The following ABCD3 variants were observed in gnomAD, a reference collection of about 807,000 sequenced individuals.
ABCD3 encodes the protein ATP binding cassette subfamily D member 3.
ABCD3 carries 41 observed loss-of-function variants against 105.5 expected under a neutral mutation model. The ratio of observed to expected loss-of-function variants is 0.39; its 90% confidence interval spans 0.30 to 0.50. ABCD3 has a LOEUF of 0.50. ABCD3 is among the 20% of genes least tolerant of loss of function. The pLI is 0.84. For synonymous variants in ABCD3, 258 were observed against 269.0 expected, an observed-to-expected ratio of 0.96 and a Z score of 0.40; for missense variants, 622 against 806.3, an observed-to-expected ratio of 0.77 and a Z score of 2.77.
At chr1:94,514,790 A>G in intron 21 of ABCD3, 1 of 197,422 alleles carries the variant, frequency 5.1e-6, no homozygotes, top group South Asian at 1.1e-4. Flanking sequence ...TTGACTGTCA[A>G]CAATGCTATA....
intron 2 of ABCD3, among the ~76,000 whole-genome samples, chr1:94,461,741 T>G (rs954905342): frequency 6.6e-6 from 1 of 152,156 alleles, no homozygotes; most frequent in Non-Finnish European, 1.5e-5. Flanking sequence ...TGTTTTTAAT[T>G]TTATGGTATT....
At chr1:94,465,822 G>T (rs891023843) in intron 3 of ABCD3, among the ~76,000 whole-genome samples, 5 of 151,988 alleles carry the variant, frequency 3.3e-5, no homozygotes, top group Admixed American at 2.0e-4. Context: ...AAATAATGCC[G>T]TATTCTCCAT....
intron 10 of ABCD3, among the ~76,000 whole-genome samples, chr1:94,484,617 C>G (rs1235039570): frequency 6.6e-6 from 1 of 152,006 alleles, no homozygotes; most frequent in Non-Finnish European, 1.5e-5. Flanking sequence ...TGGGGAACAC[C>G]ACACACCGGG....
intron 22 of ABCD3, among the ~76,000 whole-genome samples, chr1:94,516,549 A>G (rs1570849991): frequency 6.6e-6 from 1 of 152,016 alleles, no homozygotes; most frequent in East Asian, 1.9e-4. Flanking sequence ...AAGTAGCAAA[A>G]TAATCATCAC....
At chr1:94,400,286 C>T in the ABCD3 span, among the ~76,000 whole-genome samples, 1 of 151,612 alleles carries the variant, frequency 6.6e-6, no homozygotes, top group Non-Finnish European at 1.5e-5. Context: ...GCAGCTGCAA[C>T]CTCAGCTACT....
intron 1 of ABCD3, among the ~76,000 whole-genome samples, chr1:94,450,058 C>T (rs948321306): frequency 6.6e-6 from 1 of 152,230 alleles, no homozygotes; most frequent in Non-Finnish European, 1.5e-5. Context: ...AACCCAGGCA[C>T]ACCTGACCTT....
chr1:94,515,159 T>C lies in ABCD3; in HGVS notation c.1859T>C (p.Leu620Pro). 1.9e-6 allele frequency: 3 copies of C among 1,610,206 alleles called. No individual in the cohort carries two copies. Among genetic ancestry groups the C allele is most frequent in the Non-Finnish European group, 2.5e-6 (3 of 1,177,268 alleles). The stretch of plus-strand genomic sequence containing the variant: ...TCTTTGTATTAGGTTGGCATCACTC[T>C]CTTCACTGTGTCTCATAGGAAATCT... ...YSHCRKVGIT[L>P]FTVSHRKSLW... Residue 620 changes from leucine (L) to proline (P), a missense_variant, in exon 22 of 23, where the codon CTC becomes CCC. Around this residue, in one of 4 missense-constraint regions of ABCD3, gnomAD observed 285 missense variants for 352.5 expected, o/e 0.81. Coordinates refer to ENST00000370214, the MANE Select transcript of ABCD3 (RefSeq NM_002858.4).
At chr1:94,511,547 A>C (rs1238624756) in intron 21 of ABCD3, among the ~76,000 whole-genome samples, 1 of 152,086 alleles carries the variant, frequency 6.6e-6, no homozygotes, top group African/African-American at 2.4e-5. Context: ...CTGCCTTGCT[A>C]GACTGGGGAA....
intron 1 of ABCD3, among the ~76,000 whole-genome samples, chr1:94,423,806 A>G (rs756966773): frequency 2.6e-5 from 4 of 151,150 alleles, no homozygotes; most frequent in Admixed American, 6.6e-5. Flanking sequence ...CCAGCTTCTT[A>G]CTCCCTGCAC....
At chr1:94,397,363 C>T in the ABCD3 span, among the ~76,000 whole-genome samples, 2 of 152,232 alleles carry the variant, frequency 1.3e-5, no homozygotes, top group African/African-American at 4.8e-5. Flanking sequence ...ACATTGCACT[C>T]AGCCGCTGTG....
intron 21 of ABCD3, among the ~76,000 whole-genome samples, chr1:94,512,737 TTTTC>T (rs1172255783): frequency 2.6e-5 from 4 of 152,082 alleles, no homozygotes; most frequent in Non-Finnish European, 4.4e-5. Context: ...ATAGTATCAG[TTTTC>T]TTTCTTTGAG....
intron 1 of ABCD3, among the ~76,000 whole-genome samples, chr1:94,450,482 G>T (rs552167222): frequency 1.3e-5 from 2 of 152,236 alleles, no homozygotes; most frequent in African/African-American, 4.8e-5. Context: ...ACCGCTTAAG[G>T]CTTTCTTAAA....
At chr1:94,416,713 C>T (rs571451147), upstream of ABCD3, among the ~76,000 whole-genome samples, 1 of 152,172 alleles carries the variant, frequency 6.6e-6, no homozygotes, top group Non-Finnish European at 1.5e-5. Flanking sequence ...CCATAAAAGC[C>T]TAAACATATT....
intron 15 of ABCD3, 131 bp downstream of exon 15, chr1:94,490,106 C>T: frequency 2.6e-6 from 2 of 782,610 alleles, no homozygotes; most frequent in Non-Finnish European, 4.2e-6. Context: ...TTAGAGGTAT[C>T]ATTGACCTAA....
At chr1:94,496,053 G>T (rs946877715) in intron 16 of ABCD3, among the ~76,000 whole-genome samples, 4 of 152,066 alleles carry the variant, frequency 2.6e-5, no homozygotes, top group African/African-American at 9.7e-5. Context: ...TATGTGTTAG[G>T]CTGCTTCATT....
intron 4 of ABCD3, 128 bp from the exon 5 acceptor site, chr1:94,473,638 C>A: frequency 1.3e-6 from 1 of 773,986 alleles, no homozygotes; most frequent in Non-Finnish European, 2.2e-6. Context: ...TGGTTTTTAG[C>A]ATCTTTTTTA....
At chr1:94,426,649 T>A (rs1176850305) in intron 1 of ABCD3, among the ~76,000 whole-genome samples, 1 of 151,952 alleles carries the variant, frequency 6.6e-6, no homozygotes, top group Non-Finnish European at 1.5e-5. Flanking sequence ...TTCAAGTGAT[T>A]ATCTTGCCTC....
chr1:94,394,067 G>A, the ABCD3 span, among the ~76,000 whole-genome samples: 1 of 152,188 alleles, frequency 6.6e-6, no homozygotes, highest in Non-Finnish European at 1.5e-5. Flanking sequence ...AACTTTTGGA[G>A]CAGTTATTTT....
chr1:94,418,439 C>CGCCGCCGCT lies in ABCD3; in HGVS notation c.-35_-34insCGCTGCCGC, dbSNP rs558859107. ...GTAAGGTAGCCGCCGCCGCCGCCGC[C>CGCCGCCGCT]GCCGCGTCCCCTCGCCGGCTCGCTG... On this transcript the variant is annotated 5_prime_UTR_variant, in exon 1 of 23. Transcript: ENST00000370214. The CGCCGCCGCT allele has an allele frequency of 1.3e-6, 2 of 1,546,730 alleles. No homozygotes were observed. The highest frequency in any genetic ancestry group is 2.4e-5 in the East Asian group (1 of 41,990).
Sources: gnomAD v4.1 joint callset for allele counts (sites outside exome capture counted in the v4.1 genomes callset) on GRCh38, gnomAD v4.1.1 for gene constraint, gnomAD v4.1.1 regional missense constraint, MANE v1.5 for transcripts, NCBI Gene and HGNC (gene_info 2026-07-23, HGNC 2026-07-21) for gene names.